The following DNM3 variants were observed in gnomAD, a reference collection of about 807,000 sequenced individuals.
The protein encoded by DNM3 is dynamin 3, also known as dynamin-3.
In DNM3, 47 loss-of-function variants were observed where a neutral mutation model predicts 101.6. The observed-to-expected ratio is 0.46, with a 90% CI of 0.37 to 0.59. The LOEUF (loss-of-function observed/expected upper bound fraction) is 0.59. Ranked by LOEUF, DNM3 falls within the 20% of genes least tolerant of loss-of-function variation. The pLI, the probability that DNM3 is intolerant of heterozygous loss-of-function variation, is 0.00. For synonymous variants in DNM3, 385 were observed against 387.9 expected (o/e 0.99, Z 0.09); for missense variants, 849 against 1,085.7 (o/e 0.78, Z 3.06).
rs114387958 is a variant in DNM3, at chr1:172,204,034, G to A, written c.1660-49539G>A. On this transcript the variant is annotated intron_variant, in intron 14 of 20. Transcript: ENST00000627582. Reference sequence around the variant, plus strand: ...TATTAAACATATACTTCTGCAGGCAGAGGTTTTTACTGTCATGAAAAAGAT... The same window carrying A: ...TATTAAACATATACTTCTGCAGGCAAAGGTTTTTACTGTCATGAAAAAGAT... 3.2e-3 allele frequency among the ~76,000 whole-genome samples: 484 copies of A among 152,208 alleles called. 3 individuals carry two copies. The highest frequency in any genetic ancestry group is 4.9e-3 in the Non-Finnish European group (336 of 68,018).
intron 14 of DNM3, among the ~76,000 whole-genome samples, chr1:172,216,751 A>G (rs1320600394): frequency 2.7e-5 from 4 of 150,444 alleles, no homozygotes; most frequent in Non-Finnish European, 5.9e-5. Flanking sequence ...ACACACACAC[A>G]CATGCACACA....
At position 172,392,603 on chromosome 1, in the gene DNM3, G is replaced by A. The variant is rs140169488; in HGVS notation, c.2522+3794G>A. Among the ~76,000 whole-genome samples, 5 of 152,220 alleles carry A rather than the reference G, an allele frequency of 3.3e-5. No individual in the cohort carries two copies. The East Asian group carries it at 7.7e-4, about 23-fold the overall frequency. On this transcript the variant is annotated intron_variant, in intron 20 of 20. Coordinates refer to ENST00000627582, the MANE Select transcript of DNM3 (RefSeq NM_015569.5). ...GGGAATCACAGTCTTTGACATTAAC[G>A]GAACAAATTCACTGAATCCGAGTGT...
At chr1:172,372,783 A>G (rs887516848) in intron 17 of DNM3, among the ~76,000 whole-genome samples, 1 of 145,716 alleles carries the variant, frequency 6.9e-6, no homozygotes, top group Non-Finnish European at 1.5e-5. Context: ...TCCCAGGCTC[A>G]AGTGATCCTC....
chr1:172,412,277 A>G lies in DNM3; in HGVS notation c.*4436A>G. 2 of 985,380 alleles carry G rather than the reference A, an allele frequency of 2.0e-6. No individual in the cohort carries two copies. The highest frequency in any genetic ancestry group is 2.4e-6 in the Non-Finnish European group (2 of 829,828). The allele number at this position is 985,380 out of a possible 1,614,324, so 61.0% of individuals were successfully genotyped here. A position where few individuals can be genotyped will look rare whatever the true frequency, so the allele number is the denominator to read the frequency against. On this transcript the variant is annotated 3_prime_UTR_variant, in exon 21 of 21. Transcript: ENST00000627582. The stretch of plus-strand genomic sequence containing the variant: ...GCTCATTATGAAATGTTTTAAAATT[A>G]TGACAAAAATTACTCTGTCTAACCA...
intron 2 of DNM3, among the ~76,000 whole-genome samples, chr1:171,937,835 C>G (rs1374789456): frequency 6.6e-6 from 1 of 152,140 alleles, no homozygotes; most frequent in Non-Finnish European, 1.5e-5. Flanking sequence ...TCCCAGCAAG[C>G]CTCCTAAAGT....
rs774116630 is a variant in DNM3, at chr1:172,409,418, A to G, written c.*1577A>G. The stretch of plus-strand genomic sequence containing the variant: ...ATTAAACAGAGAACTTGCCATGTTG[A>G]GTGCCATTGTATTGAACTTATTCTA... On this transcript the variant is annotated 3_prime_UTR_variant, in exon 21 of 21. Transcript: ENST00000627582. The G allele has an allele frequency of 5.1e-6, 5 of 984,550 alleles. No individual in the cohort carries two copies. The highest frequency in any genetic ancestry group is 6.0e-6 in the Non-Finnish European group (5 of 829,270). 61.0% of individuals were successfully genotyped at this position (984,550 alleles called of 1,614,324 possible). A position where few individuals can be genotyped will look rare whatever the true frequency, so the allele number is the denominator to read the frequency against.
At chr1:172,146,006 G>A (rs1169003929) in intron 14 of DNM3, among the ~76,000 whole-genome samples, 1 of 152,072 alleles carries the variant, frequency 6.6e-6, no homozygotes, top group Non-Finnish European at 1.5e-5. Context: ...TCTGATCAAA[G>A]CTAGAGTCGC....
intron 15 of DNM3, among the ~76,000 whole-genome samples, chr1:172,292,867 A>G (rs2586399): frequency 6.6e-6 from 1 of 152,128 alleles, no homozygotes; most frequent in Non-Finnish European, 1.5e-5. Flanking sequence ...ACTAATTAAC[A>G]TATGAAAAAA....
chr1:172,078,185 T>C (rs2052826531), intron 11 of DNM3, among the ~76,000 whole-genome samples: 1 of 152,068 alleles, frequency 6.6e-6, no homozygotes, highest in Non-Finnish European at 1.5e-5. Flanking sequence ...CTCCGCCTCC[T>C]GGGTTCACGC....
intron 17 of DNM3, among the ~76,000 whole-genome samples, chr1:172,371,647 G>T (rs1220009574): frequency 6.6e-6 from 1 of 151,514 alleles, no homozygotes; most frequent in African/African-American, 2.4e-5. Context: ...AGAAATTAAG[G>T]CTTAGAGAGG....
rs114882928 is a variant in DNM3 at position 172,118,397 on chromosome 1, C to G, written c.1546-12778C>G. On this transcript the variant is annotated intron_variant, in intron 13 of 20. Coordinates refer to ENST00000627582, the MANE Select transcript of DNM3 (RefSeq NM_015569.5). ...TTTGTCAGCCATTCTCATTACTTGA[C>G]ATTGACAAATTGCTCTATAGCTTTA... is the stretch of plus-strand genomic sequence containing the variant. Among the ~76,000 whole-genome samples the G allele has an allele frequency of 5.5e-4, 84 of 152,306 alleles. 1 individual carries two copies. The highest frequency in any genetic ancestry group is 1.9e-3 in the African/African-American group (81 of 41,574).
At chr1:172,349,140 T>C (rs1412460319) in intron 17 of DNM3, among the ~76,000 whole-genome samples, 1 of 152,172 alleles carries the variant, frequency 6.6e-6, no homozygotes, top group Non-Finnish European at 1.5e-5. Flanking sequence ...ACTTGGATGC[T>C]CTACAGATTC....
chr1:171,949,581 A>ATT (rs780102550), intron 2 of DNM3, among the ~76,000 whole-genome samples: 19 of 144,172 alleles, frequency 1.3e-4, no homozygotes, highest in African/African-American at 2.8e-4. Flanking sequence ...GGCTAATGAA[A>ATT]TTTTTTTTTT....
chr1:172,266,835 A>G (rs1408659635), intron 15 of DNM3, among the ~76,000 whole-genome samples: 1 of 152,192 alleles, frequency 6.6e-6, no homozygotes, highest in Non-Finnish European at 1.5e-5. Context: ...GAAACACTTT[A>G]TCATTCTCAA....
At chr1:171,854,373 T>C (rs910257076) in intron 1 of DNM3, among the ~76,000 whole-genome samples, 1 of 152,198 alleles carries the variant, frequency 6.6e-6, no homozygotes, top group African/African-American at 2.4e-5. Context: ...TAGGAGAGTG[T>C]CTGTCACATG....
chr1:172,092,644 G>T (rs149692362), intron 12 of DNM3, among the ~76,000 whole-genome samples, 180 bp from the exon 13 acceptor site: 1 of 152,076 alleles, frequency 6.6e-6, no homozygotes, highest in African/African-American at 2.4e-5. Flanking sequence ...GGAGTTATGT[G>T]CTATTAGGAG....
intron 10 of DNM3, among the ~76,000 whole-genome samples, chr1:172,055,790 G>C (rs1275675488): frequency 6.6e-6 from 1 of 152,212 alleles, no homozygotes; most frequent in African/African-American, 2.4e-5. Context: ...TTATATAGAT[G>C]TGCTATGGTT....
intron 1 of DNM3, among the ~76,000 whole-genome samples, chr1:171,884,836 A>C (rs554419068): frequency 6.6e-6 from 1 of 152,298 alleles, no homozygotes; most frequent in Admixed American, 6.5e-5. Flanking sequence ...CTTCTGTCCC[A>C]CTGTCCAGAA....
intron 4 of DNM3, among the ~76,000 whole-genome samples, chr1:172,003,279 A>G (rs1171503164): frequency 6.6e-6 from 1 of 152,038 alleles, no homozygotes; most frequent in Non-Finnish European, 1.5e-5. Context: ...ATAGTTTCCT[A>G]TGCAATTACA....
Sources: gnomAD v4.1 joint callset for allele counts (sites outside exome capture counted in the v4.1 genomes callset) on GRCh38, gnomAD v4.1.1 for gene constraint, MANE v1.5 for transcripts, NCBI Gene and HGNC (gene_info 2026-07-23, HGNC 2026-07-21) for gene names.